DAB1: variants seen among roughly 807,000 people sequenced by gnomAD.
The protein encoded by DAB1 is disabled homolog 1.
In DAB1, 15 loss-of-function variants were observed where a neutral mutation model predicts 64.6. The ratio of observed to expected loss-of-function variants is 0.23; its 90% confidence interval spans 0.16 to 0.36. The LOEUF is 0.36. DAB1 is among the 10% of genes least tolerant of loss of function. The probability of loss-of-function intolerance (pLI) is 1.00; values close to 1 mark genes in which losing one functional copy is unlikely to be tolerated. For missense variants in DAB1, 596 were observed against 706.7 expected (o/e 0.84, Z 1.78); for synonymous variants, 235 against 251.9 (o/e 0.93, Z 0.64).
intron 2 of DAB1, among the ~76,000 whole-genome samples, chr1:57,233,233 A>C (rs2764661): frequency 0.56 from 79,662 of 142,042 alleles, 24,344 homozygotes; most frequent in East Asian, 0.84. Context: ...TCAGCAATGC[A>C]GCTTCAAGCT....
chr1:58,103,504 T>C (rs1007320547), intron 5 of DAB1, among the ~76,000 whole-genome samples: 3 of 152,200 alleles, frequency 2.0e-5, no homozygotes, highest in Admixed American at 6.5e-5. Flanking sequence ...TTTAAATGTT[T>C]AAATATTTAA....
intron 5 of DAB1, among the ~76,000 whole-genome samples, chr1:58,130,721 T>C (rs1286946537): frequency 6.6e-6 from 1 of 151,674 alleles, no homozygotes; most frequent in African/African-American, 2.4e-5. Context: ...TTATGAAGCT[T>C]AGTTTGGCTG....
chr1:57,417,076 A>G (rs1684546184), intron 1 of DAB1, among the ~76,000 whole-genome samples: 1 of 152,158 alleles, frequency 6.6e-6, no homozygotes, highest in Admixed American at 6.5e-5. Context: ...AATATATTCA[A>G]AAGAATTATC....
intron 4 of DAB1, among the ~76,000 whole-genome samples, chr1:57,105,700 A>G (rs1218028238): frequency 6.6e-6 from 1 of 152,166 alleles, no homozygotes; most frequent in African/African-American, 2.4e-5. Context: ...TATAATGCCA[A>G]TTAAACAGTC....
At chr1:57,582,803 G>A (rs982340893) in intron 7 of DAB1, among the ~76,000 whole-genome samples, 1 of 152,206 alleles carries the variant, frequency 6.6e-6, no homozygotes, top group African/African-American at 2.4e-5. Context: ...GCTCAGGGAA[G>A]GTGGGTTCAA....
intron 3 of DAB1, among the ~76,000 whole-genome samples, chr1:58,397,056 C>T (rs985592204): frequency 6.8e-6 from 1 of 147,544 alleles, no homozygotes; most frequent in Non-Finnish European, 1.5e-5. Flanking sequence ...CGGAGCGAGA[C>T]TCCGTCTCAA....
chr1:57,650,853 C>T (rs1646248159), intron 6 of DAB1, among the ~76,000 whole-genome samples: 5 of 152,136 alleles, frequency 3.3e-5, no homozygotes, highest in Admixed American at 3.3e-4. Context: ...TCTCTGCCTC[C>T]CCTGTTTGTG....
intron 7 of DAB1, among the ~76,000 whole-genome samples, chr1:57,485,598 GA>G (rs1255449266): frequency 6.6e-6 from 1 of 152,162 alleles, no homozygotes; most frequent in Non-Finnish European, 1.5e-5. Context: ...AAACAGACCT[GA>G]ATTCAGATCT....
intron 5 of DAB1, among the ~76,000 whole-genome samples, chr1:57,902,315 T>G (rs1644487821): frequency 6.6e-6 from 1 of 152,194 alleles, no homozygotes; most frequent in African/African-American, 2.4e-5. Context: ...TATTTTTTTC[T>G]GAAACTACTG....
At chr1:58,343,340 C>A (rs1011384635) in intron 4 of DAB1, 25 of 151,870 alleles carry the variant, frequency 1.6e-4, no homozygotes, top group African/African-American at 6.1e-4. Context: ...CTAGGTAGTT[C>A]CTTAGACTTA....
intron 2 of DAB1, chr1:58,506,353 C>T (rs930400778): frequency 3.7e-6 from 2 of 543,690 alleles, no homozygotes; most frequent in Non-Finnish European, 3.2e-6. Flanking sequence ...TTGTTACATA[C>T]GTATACATGT....
chr1:57,153,719 A>G (rs1455865765), intron 2 of DAB1, among the ~76,000 whole-genome samples: 1 of 150,486 alleles, frequency 6.6e-6, no homozygotes, highest in Admixed American at 6.6e-5. Flanking sequence ...CTCACTGCAA[A>G]CTCCACCTCC....
At chr1:58,397,578 C>A (rs371316838) in intron 3 of DAB1, among the ~76,000 whole-genome samples, 1 of 152,330 alleles carries the variant, frequency 6.6e-6, no homozygotes, top group East Asian at 1.9e-4. Flanking sequence ...GCTCCACATA[C>A]CTATCCAATG....
chr1:57,695,273 G>GGAGAGAGAAAGAAAGAAAGA lies in DAB1; in HGVS notation n.552-45609_552-45608insTCTTTCTTTCTTTCTCTCTC, dbSNP rs1557427566. Among the ~76,000 whole-genome samples the GGAGAGAGAAAGAAAGAAAGA allele has an allele frequency of 1.2e-4, 9 of 76,428 alleles. 2 individuals carry two copies. Among genetic ancestry groups the GGAGAGAGAAAGAAAGAAAGA allele is most frequent in the South Asian group, 1.0e-3 (2 of 1,984 alleles). 50.1% of individuals were successfully genotyped at this position (76,428 alleles called of 152,430 possible). On this transcript the variant is annotated intron_variant and non_coding_transcript_variant, in intron 6 of 20. Transcript: ENST00000485760. ...AGAAAGAAAGAAGGAAGGAAGGAAG[G>GGAGAGAGAAAGAAAGAAAGA]AAGGAAGGAAGAAAGGGAGAGAGAA...
intron 6 of DAB1, among the ~76,000 whole-genome samples, chr1:57,668,634 C>T (rs1239209076): frequency 6.6e-6 from 1 of 152,052 alleles, no homozygotes; most frequent in Non-Finnish European, 1.5e-5. Flanking sequence ...TGTACTGACC[C>T]CAAAGCCTGT....
intron 4 of DAB1, among the ~76,000 whole-genome samples, chr1:58,153,958 C>T (rs979301210): frequency 9.3e-5 from 14 of 151,242 alleles, no homozygotes; most frequent in African/African-American, 3.2e-4. Context: ...CCTTCTTCTT[C>T]AGGGTGTCCA....
intron 3 of DAB1, among the ~76,000 whole-genome samples, chr1:58,484,920 G>T (rs1238819365): frequency 1.3e-5 from 2 of 152,042 alleles, no homozygotes; most frequent in Admixed American, 1.3e-4. Context: ...GAATGAGTAG[G>T]CACAGAGTGT....
intron 7 of DAB1, among the ~76,000 whole-genome samples, chr1:57,524,900 C>A (rs1644573121): frequency 1.3e-5 from 2 of 152,034 alleles, no homozygotes; most frequent in East Asian, 1.9e-4. Context: ...AATGAACCAA[C>A]CAACCAGACC....
intron 5 of DAB1, among the ~76,000 whole-genome samples, chr1:57,940,469 A>G (rs1466664305): frequency 6.6e-6 from 1 of 152,234 alleles, no homozygotes; most frequent in East Asian, 1.9e-4. Context: ...TGCTTTGTCC[A>G]CAGTTAAACA....
Sources: gnomAD v4.1 joint callset for allele counts (sites outside exome capture counted in the v4.1 genomes callset) on GRCh38, gnomAD v4.1.1 for gene constraint, MANE v1.5 for transcripts, NCBI Gene and HGNC (gene_info 2026-07-23, HGNC 2026-07-21) for gene names.